DYNC1H1: variants seen among roughly 807,000 people sequenced by gnomAD.
The protein encoded by DYNC1H1 is cytoplasmic dynein 1 heavy chain 1.
In DYNC1H1, 51 loss-of-function variants were observed where a neutral mutation model predicts 527.1. That is an observed-to-expected ratio of 0.10 (90% CI 0.08 to 0.12). The LOEUF is 0.12. Ranked by LOEUF, DYNC1H1 falls within the 10% of genes least tolerant of loss-of-function variation. The pLI is 1.00. For missense variants in DYNC1H1, 2,771 were observed against 5,971.8 expected (o/e 0.46, Z 17.66); for synonymous variants, 2,189 against 2,278.8 (o/e 0.96, Z 1.12).
chr14:102,033,962 G>C lies in DYNC1H1; in HGVS notation c.10414-14G>C. 6.2e-7 allele frequency: 1 copy of C among 1,613,488 alleles called. No individual in the cohort carries two copies. Among genetic ancestry groups the C allele is most frequent in the Non-Finnish European group, 8.5e-7 (1 of 1,179,942 alleles). On this transcript the variant is annotated splice_polypyrimidine_tract_variant and intron_variant, in intron 54 of 77. Coordinates refer to ENST00000360184, the MANE Select transcript of DYNC1H1 (RefSeq NM_001376.5). The surrounding 1 kb of genome is among the most constrained non-coding windows in gnomAD (Gnocchi z 5.6). ...GGCCTCATCCCTGAGCATCTTGTTC[G>C]GTTTTCCTTTTAGGTAAACCGGAGC... is the stretch of plus-strand genomic sequence containing the variant.
At position 102,028,348 on chromosome 14, in the gene DYNC1H1, CA is replaced by C. The variant is rs1426157364; in HGVS notation, c.9468+213del. On this transcript the variant is annotated intron_variant, in intron 48 of 77. Coordinates refer to ENST00000360184, the MANE Select transcript of DYNC1H1 (RefSeq NM_001376.5). ...GCAACATGGCGAGACCCCATCTCTACAAAAAATACAAAGAAAATTAGCCGGG... is the reference window on the plus strand; with the variant it reads ...GCAACATGGCGAGACCCCATCTCTACAAAAATACAAAGAAAATTAGCCGGG... 8 of 528,804 alleles carry C rather than the reference CA, an allele frequency of 1.5e-5. No homozygotes were observed. In the Admixed American group the frequency reaches 1.8e-4, roughly 12 times the overall value. The allele number at this position is 528,804 out of a possible 1,614,324, so 32.8% of individuals were successfully genotyped here.
In DYNC1H1 at chr14:102,038,758, A is replaced by G. The variant is rs2048607519; in HGVS notation, c.11116A>G (p.Ser3706Gly). Reference sequence around the variant, plus strand: ...TTTTGTAAACTTCACAGTTACCCGTAGCAGTTTACAAAGCCAGTGTCTAAA... The same window carrying G: ...TTTTGTAAACTTCACAGTTACCCGTGGCAGTTTACAAAGCCAGTGTCTAAA... Reference protein sequence around the residue: ...VTFVNFTVTRSSLQSQCLNEV... With the variant: ...VTFVNFTVTRGSLQSQCLNEV... The change falls in exon 59 of 78, where the codon AGC (serine) becomes GGC (glycine). Residue 3706 changes from serine to glycine, a missense_variant. Physicochemically the swap from Ser to Gly is moderately conservative, Grantham distance 56. Around this residue, in one of 32 missense-constraint regions of DYNC1H1, gnomAD observed 283 missense variants for 737.6 expected, o/e 0.38. Transcript: ENST00000360184. The surrounding 1 kb of genome is among the most constrained non-coding windows in gnomAD (Gnocchi z 7.2). The G allele has an allele frequency of 1.2e-6, 2 of 1,614,112 alleles. No individual in the cohort carries two copies. The highest frequency in any genetic ancestry group is 1.7e-6 in the Non-Finnish European group (2 of 1,180,048).
chr14:102,030,534 T>C, intron 51 of DYNC1H1: 2 of 494,110 alleles, frequency 4.0e-6, no homozygotes, highest in South Asian at 2.2e-5. Context: ...CTTCACAATA[T>C]AAGCTTTGTG....
rs2749892 is a variant in DYNC1H1, at chr14:101,991,396, C to T, written c.2869-131C>T. The T allele has an allele frequency of 4.0e-4, 434 of 1,093,226 alleles. 1 individual carries two copies. Among genetic ancestry groups the T allele is most frequent in the Non-Finnish European group, 6.2e-5 (46 of 747,438 alleles). The allele number at this position is 1,093,226 out of a possible 1,614,324, so 67.7% of individuals were successfully genotyped here. ...CTTAGAATTGCTTGAACCCGGGAGG[C>T]GGAGGTTACAGTGAGCCAAGGTTGT... On this transcript the variant is annotated intron_variant, in intron 10 of 77. Transcript: ENST00000360184.
Position 101,983,005 on chromosome 14 carries a change from C to T in DYNC1H1, c.962-14C>T. Reference sequence around the variant, plus strand: ...TTTATGTGAAAACCATTAACTCTTTCTCTGTTAATATAGGTCTAAAACAGG... The same window carrying T: ...TTTATGTGAAAACCATTAACTCTTTTTCTGTTAATATAGGTCTAAAACAGG... On this transcript the variant is annotated splice_polypyrimidine_tract_variant and intron_variant, in intron 5 of 77. Coordinates refer to ENST00000360184, the MANE Select transcript of DYNC1H1 (RefSeq NM_001376.5). This position sits in a 1 kb window ranked among gnomAD's most constrained non-coding sequence, Gnocchi z 5.3. 6.2e-7 allele frequency: 1 copy of T among 1,607,202 alleles called. No individual in the cohort carries two copies. The highest frequency in any genetic ancestry group is 8.5e-7 in the Non-Finnish European group (1 of 1,175,922).
chr14:102,030,117 A>G (rs756870230), intron 50 of DYNC1H1, 45 bp from the exon 51 acceptor site: 1 of 1,613,756 alleles, frequency 6.2e-7, no homozygotes. Flanking sequence ...TAGTCAGCAA[A>G]TTAACCAATG....
Position 102,018,433 on chromosome 14 carries a change from G to T in DYNC1H1, c.8178-18G>T, listed in dbSNP as rs566418221. On this transcript the variant is annotated intron_variant, in intron 40 of 77. Transcript: ENST00000360184. This position sits in a 1 kb window ranked among gnomAD's most constrained non-coding sequence, Gnocchi z 5.2. ...GCGCTGTCAGGGAGGGGCGCTGAGC[G>T]GGGCTATCTGTGCACAGGTTCCTGC... The T allele has an allele frequency of 1.9e-6, 3 of 1,611,884 alleles. No individual in the cohort carries two copies. The South Asian group carries it at 3.3e-5, about 18-fold the overall frequency.
Position 102,018,704 on chromosome 14 carries a change from T to A in DYNC1H1, c.8343+88T>A. ...GGTCAGGTGTGGTGGTTCACACCTG[T>A]AATCCCAGCATTTTGGGAGGCCAAG... On this transcript the variant is annotated intron_variant, in intron 41 of 77. Transcript: ENST00000360184. The surrounding 1 kb of genome is among the most constrained non-coding windows in gnomAD (Gnocchi z 5.2). The A allele has an allele frequency of 6.5e-7, 1 of 1,527,254 alleles. No homozygotes were observed. The highest frequency in any genetic ancestry group is 8.9e-7 in the Non-Finnish European group (1 of 1,129,428). The allele number at this position is 1,527,254 out of a possible 1,614,324, so 94.6% of individuals were successfully genotyped here.
rs879253937 is a variant in DYNC1H1, at chr14:102,005,225, C to A, written c.5422C>A (p.Leu1808Ile). 9.3e-6 allele frequency: 15 copies of A among 1,614,198 alleles called. No homozygotes were observed. Among genetic ancestry groups the A allele is most frequent in the Non-Finnish European group, 1.2e-5 (14 of 1,180,038 alleles). The part of the protein sequence containing the change: ...MEQPPLRRRK[L>I]EHLITELVHQ... ...GCAGCCCCCACTCCGAAGGCGGAAG[C>A]TAGAACACTTGGTTAGTCTCACACC... The change falls in exon 26 of 78, where the codon CTA becomes ATA. Residue 1808 changes from leucine (L) to isoleucine (I), a missense_variant. By Grantham distance (5) the Leu-to-Ile change is conservative. Coordinates refer to ENST00000360184, the MANE Select transcript of DYNC1H1 (RefSeq NM_001376.5). This position sits in a 1 kb window ranked among gnomAD's most constrained non-coding sequence, Gnocchi z 4.0.
In DYNC1H1 at chr14:102,039,482, C is replaced by T. The variant is rs749946187; in HGVS notation, c.11531C>T (p.Pro3844Leu). Residue 3844 changes from proline (P) to leucine (L), a missense_variant, in exon 61 of 78, where the codon CCG (proline) becomes CTG (leucine). This residue lies in a region of DYNC1H1 where 283 missense variants were observed against 737.6 expected (regional missense o/e 0.38). Transcript: ENST00000360184. The surrounding 1 kb of genome is among the most constrained non-coding windows in gnomAD (Gnocchi z 7.0). ...TATCACAACGTCCTATACGAGAACCCGAACCTGAAGGGTGTCACCGACCAC... is the reference window on the plus strand; with the variant it reads ...TATCACAACGTCCTATACGAGAACCTGAACCTGAAGGGTGTCACCGACCAC... ...DIYHNVLYEN[P>L]NLKGVTDHTQ... 1.1e-5 allele frequency: 17 copies of T among 1,614,234 alleles called. No homozygotes were observed. The highest frequency in any genetic ancestry group is 7.7e-5 in the South Asian group (7 of 91,084).
rs2048657881 is a variant in DYNC1H1, at chr14:102,042,056, A to T, written c.12146A>T (p.Tyr4049Phe). ...TPVLMCSVPG[Y>F]DASGHVEDLA... ...GTCTTAATGTGCTCTGTGCCTGGTTATGATGCCAGTGGACATGTCGAGGAC... is the reference window on the plus strand; with the variant it reads ...GTCTTAATGTGCTCTGTGCCTGGTTTTGATGCCAGTGGACATGTCGAGGAC... Residue 4049 changes from tyrosine (Y) to phenylalanine (F), a missense_variant, in exon 66 of 78, where the codon TAT (tyrosine) becomes TTT (phenylalanine). Physicochemically the swap from Tyr to Phe is conservative, Grantham distance 22 (BLOSUM62 3). This residue lies in a region of DYNC1H1 where 195 missense variants were observed against 428.6 expected (regional missense o/e 0.45). Coordinates refer to ENST00000360184, the MANE Select transcript of DYNC1H1 (RefSeq NM_001376.5). The surrounding 1 kb of genome is among the most constrained non-coding windows in gnomAD (Gnocchi z 5.7). The T allele has an allele frequency of 1.2e-6, 2 of 1,614,094 alleles. No individual in the cohort carries two copies. Among genetic ancestry groups the T allele is most frequent in the Non-Finnish European group, 8.5e-7 (1 of 1,180,024 alleles).
chr14:102,038,419 ACAAAGCCCTGAC>A lies in DYNC1H1; in HGVS notation c.10909-38_10909-27del. 3.7e-6 allele frequency: 6 copies of A among 1,612,054 alleles called. No individual in the cohort carries two copies. The highest frequency in any genetic ancestry group is 4.2e-6 in the Non-Finnish European group (5 of 1,179,962). The stretch of plus-strand genomic sequence containing the variant: ...ATAGCATTTGGGTGAAGATAAAGTT[ACAAAGCCCTGAC>A]CATCAAGTTCCACCCGTGTGGAATG... On this transcript the variant is annotated intron_variant, in intron 57 of 77. Transcript: ENST00000360184. This position sits in a 1 kb window ranked among gnomAD's most constrained non-coding sequence, Gnocchi z 7.2.
chr14:102,040,867 G>A, intron 64 of DYNC1H1, 194 bp downstream of exon 64: 1 of 671,456 alleles, frequency 1.5e-6, no homozygotes, highest in South Asian at 1.7e-5. Flanking sequence ...GCTAAAGCAG[G>A]AAGGTCACTT....
In DYNC1H1 at chr14:101,979,220, GA is replaced by G. The variant is rs1310430350; in HGVS notation, c.345-95del. On this transcript the variant is annotated intron_variant, in intron 2 of 77. Transcript: ENST00000360184. The surrounding 1 kb of genome is among the most constrained non-coding windows in gnomAD (Gnocchi z 4.6). ...AGACAAGCAGTGCATTTCACTATTA[GA>G]AAAGCAACACTTCAGTATATTCTTG... 1 of 1,227,660 alleles carries G rather than the reference GA, an allele frequency of 8.1e-7. No homozygotes were observed. The highest frequency in any genetic ancestry group is 2.4e-5 in the East Asian group (1 of 41,238). The allele number at this position is 1,227,660 out of a possible 1,614,324, so 76.0% of individuals were successfully genotyped here. A position where few individuals can be genotyped will look rare whatever the true frequency, so the allele number is the denominator to read the frequency against.
Position 102,056,062 on chromosome 14 carries a change from C to A in DYNC1H1, c.*5499C>A, listed in dbSNP as rs546332916. ...CTCTCATATTGTTTTATACTCAGTA[C>A]CTGTTTTAAGAAAAAAACGAAGTGA... is the stretch of plus-strand genomic sequence containing the variant. On this transcript the variant is annotated 3_prime_UTR_variant, in exon 78 of 78. Transcript: ENST00000360184. 6.6e-6 allele frequency: 1 copy of A among 152,334 alleles called. No individual in the cohort carries two copies. Among genetic ancestry groups the A allele is most frequent in the Admixed American group, 6.5e-5 (1 of 15,298 alleles). 9.4% of individuals were successfully genotyped at this position (152,334 alleles called of 1,614,324 possible). A position where few individuals can be genotyped will look rare whatever the true frequency, so the allele number is the denominator to read the frequency against.
chr14:101,977,423 A>T (rs2047814179), intron 2 of DYNC1H1, among the ~76,000 whole-genome samples: 1 of 152,206 alleles, frequency 6.6e-6, no homozygotes, highest in Non-Finnish European at 1.5e-5. Flanking sequence ...CCCCTGAATC[A>T]TTTGACAGTT....
intron 15 of DYNC1H1, among the ~76,000 whole-genome samples, chr14:101,996,059 A>C (rs967329774): frequency 6.6e-6 from 1 of 151,758 alleles, no homozygotes; most frequent in Non-Finnish European, 1.5e-5. Context: ...GCAAGACTCT[A>C]TCTCAAAAAA....
chr14:101,998,221 A>G (rs572941129), intron 16 of DYNC1H1, among the ~76,000 whole-genome samples: 1 of 148,246 alleles, frequency 6.7e-6, no homozygotes, highest in African/African-American at 2.5e-5. Flanking sequence ...TCTCCCCTCT[A>G]TAGGCGCTGA....
At chr14:101,969,181 T>C (rs1217418566) in intron 1 of DYNC1H1, among the ~76,000 whole-genome samples, 1 of 140,142 alleles carries the variant, frequency 7.1e-6, no homozygotes, top group Non-Finnish European at 1.5e-5. Context: ...CCACACCTGG[T>C]TAATTTTTTT....
Sources: allele counts gnomAD v4.1 joint callset (sites outside exome capture counted in the v4.1 genomes callset), GRCh38; gene constraint gnomAD v4.1.1; regional missense constraint gnomAD v4.1.1; non-coding constraint Gnocchi (gnomAD v3.1); transcripts MANE v1.5; gene names NCBI Gene and HGNC (gene_info 2026-07-23, HGNC 2026-07-21).